Variants in GLIS3 observed in about 807,000 individuals in gnomAD.
GLIS3 encodes the protein zinc finger protein GLIS3.
A neutral mutation model predicts 78.6 loss-of-function variants in GLIS3; 53 were observed. That is an observed-to-expected ratio of 0.67 (90% confidence interval 0.54 to 0.85). GLIS3 has a LOEUF of 0.85. Among genes scored for constraint, GLIS3 ranks in the 40% least tolerant of loss-of-function variants. GLIS3 has a pLI of 0.00. For missense variants in GLIS3, 1,703 were observed against 1,231.1 expected (o/e 1.38, Z -5.74); for synonymous variants, 684 against 509.9 (o/e 1.34, Z -4.60).
intron 2 of GLIS3, among the ~76,000 whole-genome samples, chr9:4,257,851 G>A (rs1486599204): frequency 6.6e-6 from 1 of 152,052 alleles, no homozygotes; most frequent in Non-Finnish European, 1.5e-5. Flanking sequence ...GGGATTACAG[G>A]TGTGAGCCAT....
intron 2 of GLIS3, among the ~76,000 whole-genome samples, chr9:4,283,098 T>TACACACACAC (rs5896058): frequency 6.7e-6 from 1 of 149,034 alleles, no homozygotes; most frequent in African/African-American, 2.5e-5. Flanking sequence ...CACAAACACA[T>TACACACACAC]ACACACACAC....
At chr9:4,416,252 T>TA in the GLIS3 span, among the ~76,000 whole-genome samples, 6,241 of 75,522 alleles carry the variant, frequency 0.083, 576 homozygotes, top group Non-Finnish European at 0.12. Flanking sequence ...ACACTGTTTT[T>TA]AAAAAAAAAA....
intron 4 of GLIS3, among the ~76,000 whole-genome samples, chr9:4,105,406 G>A (rs1830673595): frequency 6.6e-6 from 1 of 152,150 alleles, no homozygotes; most frequent in South Asian, 2.1e-4. Flanking sequence ...CATTCCTTTG[G>A]AACACAATGG....
intron 4 of GLIS3, among the ~76,000 whole-genome samples, chr9:3,975,586 C>G (rs1024349452): frequency 3.4e-5 from 5 of 148,064 alleles, no homozygotes; most frequent in Admixed American, 3.3e-4. Context: ...TTTTGAGAAG[C>G]AAAAAGTACC....
intron 2 of GLIS3, among the ~76,000 whole-genome samples, chr9:4,133,793 A>G (rs1279972564): frequency 1.3e-5 from 2 of 151,140 alleles, no homozygotes; most frequent in Non-Finnish European, 2.9e-5. Flanking sequence ...GCCCAGAAAC[A>G]GCATGCTGAT....
At chr9:4,028,673 A>G (rs1354750310) in intron 4 of GLIS3, among the ~76,000 whole-genome samples, 2 of 152,080 alleles carry the variant, frequency 1.3e-5, no homozygotes, top group Non-Finnish European at 2.9e-5. Flanking sequence ...CCTTAACTGA[A>G]TCCCAACACT....
chr9:3,861,701 T>C lies in GLIS3; in HGVS notation c.2298-5517A>G, dbSNP rs963241900. 7.9e-5 allele frequency among the ~76,000 whole-genome samples: 12 copies of C among 152,212 alleles called. No homozygotes were observed. In the East Asian group the frequency reaches 2.3e-3, roughly 29 times the overall value. On this transcript the variant is annotated intron_variant, in intron 8 of 10. Coordinates refer to ENST00000381971, the MANE Select transcript of GLIS3 (RefSeq NM_001042413.2). ...AATGCAGGAACATAAAACCAAACAC[T>C]GAATGTTCTCACTTATAAGTGGGAG...
At chr9:4,477,532 G>C in the GLIS3 span, among the ~76,000 whole-genome samples, 1 of 151,918 alleles carries the variant, frequency 6.6e-6, no homozygotes, top group South Asian at 2.1e-4. Flanking sequence ...CTCCCCCCTC[G>C]GTCTCTGGAG....
At chr9:4,370,371 C>G in the GLIS3 span, among the ~76,000 whole-genome samples, 1 of 152,048 alleles carries the variant, frequency 6.6e-6, no homozygotes, top group Admixed American at 6.5e-5. Context: ...CCCTGAGAGC[C>G]ATGGGGTGTT....
chr9:4,266,230 G>T (rs185945336), intron 2 of GLIS3, among the ~76,000 whole-genome samples: 2 of 151,760 alleles, frequency 1.3e-5, no homozygotes, highest in Non-Finnish European at 2.9e-5. Context: ...CACTCACCCT[G>T]CTTCTTAACT....
At chr9:4,047,689 AGT>A (rs1314350033) in intron 4 of GLIS3, among the ~76,000 whole-genome samples, 1 of 152,216 alleles carries the variant, frequency 6.6e-6, no homozygotes, top group African/African-American at 2.4e-5. Flanking sequence ...TAACGATGTC[AGT>A]ATGAAAAGAG....
intron 4 of GLIS3, among the ~76,000 whole-genome samples, chr9:3,945,016 G>T (rs551634370): frequency 6.6e-6 from 1 of 152,158 alleles, no homozygotes; most frequent in African/African-American, 2.4e-5. Flanking sequence ...GTGAGAACTC[G>T]CTCACTCCTG....
the GLIS3 span, chr9:4,386,429 C>G: frequency 6.6e-6 from 1 of 151,918 alleles, no homozygotes; most frequent in Non-Finnish European, 1.5e-5. Context: ...AAACACTTCA[C>G]AAATTTGCAT....
intron 7 of GLIS3, among the ~76,000 whole-genome samples, chr9:3,888,888 T>C (rs1240581215): frequency 6.6e-6 from 1 of 152,208 alleles, no homozygotes; most frequent in Non-Finnish European, 1.5e-5. Flanking sequence ...CCTTCAGTTA[T>C]ATCCATTTCA....
At chr9:4,368,464 C>G in the GLIS3 span, among the ~76,000 whole-genome samples, 74 of 152,146 alleles carry the variant, frequency 4.9e-4, no homozygotes, top group Non-Finnish European at 9.7e-4. Context: ...CTTGCCTCAG[C>G]CTCCCAAGTA....
Position 4,215,956 on chromosome 9 carries a change from T to A in GLIS3, c.388+70082A>T, listed in dbSNP as rs142408378. ...AAAAAGCTGATTCTAATGAAATTAT[T>A]AATTCAAATATAACTCTCATTTTGA... is the stretch of plus-strand genomic sequence containing the variant. On this transcript the variant is annotated intron_variant, in intron 2 of 10. Coordinates refer to ENST00000381971, the MANE Select transcript of GLIS3 (RefSeq NM_001042413.2). Among the ~76,000 whole-genome samples the A allele has an allele frequency of 4.3e-4, 66 of 152,328 alleles. 3 individuals are homozygous for A. The East Asian group carries it at 6.4e-3, about 15-fold the overall frequency.
intron 9 of GLIS3, chr9:3,855,806 T>C: frequency 1.6e-6 from 1 of 623,474 alleles, no homozygotes; most frequent in South Asian, 1.8e-5. Flanking sequence ...CGATGTGTCA[T>C]AAATCATACC....
chr9:4,380,844 G>C, the GLIS3 span, among the ~76,000 whole-genome samples: 1 of 152,210 alleles, frequency 6.6e-6, no homozygotes, highest in African/African-American at 2.4e-5. Context: ...AGAACGAGAA[G>C]AGAAGGACTC....
intron 4 of GLIS3, among the ~76,000 whole-genome samples, chr9:4,051,406 T>C (rs1463546351): frequency 1.3e-5 from 2 of 152,144 alleles, no homozygotes; most frequent in Admixed American, 1.3e-4. Flanking sequence ...AGTCTCAACA[T>C]TTTCTAAGAC....
Sources: allele counts gnomAD v4.1 joint callset (sites outside exome capture counted in the v4.1 genomes callset), GRCh38; gene constraint gnomAD v4.1.1; transcripts MANE v1.5; gene names NCBI Gene and HGNC (gene_info 2026-07-23, HGNC 2026-07-21).